Variants in PCSK5 observed in about 807,000 individuals in gnomAD.
PCSK5 encodes proprotein convertase subtilisin/kexin type 5.
Under a neutral mutation model 233.2 loss-of-function variants are expected in PCSK5, and 129 were observed. The ratio of observed to expected loss-of-function variants is 0.55; its 90% CI spans 0.48 to 0.64. PCSK5 has a LOEUF of 0.64. PCSK5 is among the 30% of genes least tolerant of loss of function. The probability of loss-of-function intolerance (pLI) is 0.00; values close to 1 mark genes in which losing one functional copy is unlikely to be tolerated. For synonymous variants in PCSK5, 825 were observed against 879.2 expected (o/e 0.94, Z 1.09); for missense variants, 2,076 against 2,430.1 (o/e 0.85, Z 3.06).
chr9:75,926,654 T>C (rs553420851), intron 1 of PCSK5, among the ~76,000 whole-genome samples: 1 of 152,308 alleles, frequency 6.6e-6, no homozygotes, highest in African/African-American at 2.4e-5. Context: ...ATACAGTAGG[T>C]TTATCTGTCT....
chr9:75,977,299 T>C (rs1337420920), intron 2 of PCSK5, among the ~76,000 whole-genome samples: 2 of 151,914 alleles, frequency 1.3e-5, no homozygotes, highest in East Asian at 2.0e-4. Flanking sequence ...GTGCCATCCA[T>C]GTCGGCTCAC....
chr9:76,223,397 T>C (rs1407733093), intron 20 of PCSK5, among the ~76,000 whole-genome samples: 1 of 152,254 alleles, frequency 6.6e-6, no homozygotes, highest in Non-Finnish European at 1.5e-5. Flanking sequence ...ACATGTTCAG[T>C]TATTCTGGAA....
chr9:75,934,309 CA>C (rs939556617), intron 2 of PCSK5, among the ~76,000 whole-genome samples: 4 of 152,206 alleles, frequency 2.6e-5, no homozygotes, highest in African/African-American at 9.6e-5. Flanking sequence ...ACAGGACAGC[CA>C]CGGTTCCTAC....
chr9:76,039,090 C>A (rs943179567), intron 5 of PCSK5, among the ~76,000 whole-genome samples: 1 of 152,298 alleles, frequency 6.6e-6, no homozygotes, highest in East Asian at 1.9e-4. Context: ...TTTCGGTAAG[C>A]AATTGCAAAT....
At chr9:76,040,347 CTCTCTCT>C (rs1829048304) in intron 5 of PCSK5, among the ~76,000 whole-genome samples, 4 of 49,700 alleles carry the variant, frequency 8.0e-5, no homozygotes, top group Non-Finnish European at 1.1e-4. Context: ...CTCTCTCTCT[CTCTCTCT>C]CTCTCTCTCT....
At position 75,966,267 on chromosome 9, in the gene PCSK5, T is replaced by C. The variant is rs150523982; in HGVS notation, c.298-19865T>C. 2.0e-3 allele frequency among the ~76,000 whole-genome samples: 311 copies of C among 152,318 alleles called. 2 individuals carry two copies. Among genetic ancestry groups the C allele is most frequent in the Non-Finnish European group, 3.5e-3 (240 of 68,022 alleles). ...CTCTTCAGAAGTCAATCTTGACAGATTGTGTATTGGTGGGGACTGGCCCAA... is the reference window on the plus strand; with the variant it reads ...CTCTTCAGAAGTCAATCTTGACAGACTGTGTATTGGTGGGGACTGGCCCAA... On this transcript the variant is annotated intron_variant, in intron 2 of 37. Transcript: ENST00000674117.
chr9:76,176,739 G>C (rs2131203672), intron 14 of PCSK5, among the ~76,000 whole-genome samples: 1 of 152,276 alleles, frequency 6.6e-6, no homozygotes, highest in South Asian at 2.1e-4. Flanking sequence ...GTGTATGCTG[G>C]TGTGTAGGAA....
At chr9:76,033,154 C>G (rs1044250350) in intron 5 of PCSK5, among the ~76,000 whole-genome samples, 4 of 152,142 alleles carry the variant, frequency 2.6e-5, no homozygotes, top group Non-Finnish European at 1.5e-5. Context: ...TAGACAAGGA[C>G]TGTTGTGAGG....
chr9:75,890,970 C>T lies in PCSK5; in HGVS notation c.-212C>T, dbSNP rs1587315238. 7.3e-6 allele frequency: 3 copies of T among 409,182 alleles called. No homozygotes were observed. The highest frequency in any genetic ancestry group is 4.5e-5 in the Admixed American group (1 of 22,346). 25.3% of individuals were successfully genotyped at this position (409,182 alleles called of 1,614,324 possible). On this transcript the variant is annotated 5_prime_UTR_variant, in exon 1 of 38. Transcript: ENST00000674117. ...GGGCCGGAGAGCTGGGAGCACAGGT[C>T]CCGGCAGCCCCAGGGATGGTCTAGG...
intron 2 of PCSK5, among the ~76,000 whole-genome samples, chr9:75,936,716 A>C (rs1824071809): frequency 1.3e-5 from 2 of 152,196 alleles, no homozygotes; most frequent in Admixed American, 6.5e-5. Flanking sequence ...GAGGGTTGGA[A>C]TCAACTTCCA....
intron 20 of PCSK5, among the ~76,000 whole-genome samples, chr9:76,216,442 C>A (rs1282490294): frequency 6.6e-6 from 1 of 152,136 alleles, no homozygotes. Context: ...AGCTCACAAC[C>A]AATTCCTGAC....
chr9:76,187,527 A>G (rs1015983051), intron 17 of PCSK5, among the ~76,000 whole-genome samples: 5 of 151,162 alleles, frequency 3.3e-5, no homozygotes, highest in African/African-American at 9.7e-5. Context: ...ATGCCTAGCA[A>G]TTTTTTTTTA....
intron 6 of PCSK5, among the ~76,000 whole-genome samples, chr9:76,071,474 T>G (rs556185194): frequency 6.6e-6 from 1 of 152,328 alleles, no homozygotes; most frequent in Admixed American, 6.5e-5. Context: ...GCAGCTGTTA[T>G]AAGGAAAGGA....
chr9:75,975,680 T>C (rs1381419415), intron 2 of PCSK5, among the ~76,000 whole-genome samples: 1 of 152,208 alleles, frequency 6.6e-6, no homozygotes, highest in Non-Finnish European at 1.5e-5. Flanking sequence ...CAAAAACCCA[T>C]TAAGTGATTA....
At chr9:76,202,636 A>G (rs1824961970) in intron 20 of PCSK5, among the ~76,000 whole-genome samples, 1 of 151,582 alleles carries the variant, frequency 6.6e-6, no homozygotes, top group Admixed American at 6.6e-5. Context: ...ACCCCCACAC[A>G]TCACTCCCCC....
At chr9:76,300,311 A>G (rs1366051586) in intron 27 of PCSK5, among the ~76,000 whole-genome samples, 2 of 152,226 alleles carry the variant, frequency 1.3e-5, no homozygotes, top group African/African-American at 4.8e-5. Context: ...TCACTTAGAA[A>G]TGAGTACACC....
intron 20 of PCSK5, among the ~76,000 whole-genome samples, chr9:76,224,629 T>C (rs1438697553): frequency 6.6e-6 from 1 of 152,160 alleles, no homozygotes; most frequent in Non-Finnish European, 1.5e-5. Context: ...TAGTATGGCA[T>C]AAGAAGCTGT....
chr9:76,018,475 A>G (rs11793311), intron 3 of PCSK5, among the ~76,000 whole-genome samples: 53,575 of 151,930 alleles, frequency 0.35, 10,115 homozygotes, highest in Middle Eastern at 0.45. Context: ...TCAGAGGAGC[A>G]CCAACCCTAT....
chr9:75,999,038 T>G (rs540336374), intron 3 of PCSK5, among the ~76,000 whole-genome samples: 2 of 152,328 alleles, frequency 1.3e-5, no homozygotes, highest in East Asian at 3.9e-4. Flanking sequence ...TGTGATTGAT[T>G]AATGATGTGC....
Sources: allele counts gnomAD v4.1 joint callset (sites outside exome capture counted in the v4.1 genomes callset), GRCh38; gene constraint gnomAD v4.1.1; transcripts MANE v1.5; gene names NCBI Gene and HGNC (gene_info 2026-07-23, HGNC 2026-07-21).